ROBO1: variants seen among roughly 807,000 people sequenced by gnomAD.
The protein encoded by ROBO1 is roundabout guidance receptor 1.
In ROBO1, 149 loss-of-function variants were observed where a neutral mutation model predicts 195.9. The observed-to-expected ratio is 0.76, with a 90% CI of 0.67 to 0.87. The LOEUF (loss-of-function observed/expected upper bound fraction) is 0.87. ROBO1 is among the 40% of genes least tolerant of loss of function. ROBO1 has a pLI of 0.00. For missense variants in ROBO1, 1,933 were observed against 2,068.3 expected (o/e 0.93, Z 1.27); for synonymous variants, 816 against 733.2 (o/e 1.11, Z -1.82).
chr3:79,192,083 A>T (rs2108757344), intron 2 of ROBO1, among the ~76,000 whole-genome samples: 1 of 151,754 alleles, frequency 6.6e-6, no homozygotes, highest in African/African-American at 2.4e-5. Flanking sequence ...ATAGATTGGT[A>T]GTACATTATT....
intron 1 of ROBO1, among the ~76,000 whole-genome samples, chr3:79,719,938 T>C (rs1459995851): frequency 6.6e-6 from 1 of 152,200 alleles, no homozygotes; most frequent in Non-Finnish European, 1.5e-5. Context: ...ATAGATCCTT[T>C]TGGTAGTTGG....
chr3:78,672,315 C>A (rs1400649924), intron 10 of ROBO1, among the ~76,000 whole-genome samples: 2 of 152,070 alleles, frequency 1.3e-5, no homozygotes, highest in African/African-American at 4.8e-5. Flanking sequence ...CACTGGGGCT[C>A]ACGCCTGTAA....
intron 3 of ROBO1, among the ~76,000 whole-genome samples, chr3:78,978,661 G>A (rs921169726): frequency 6.6e-6 from 1 of 152,116 alleles, no homozygotes; most frequent in Non-Finnish European, 1.5e-5. Flanking sequence ...AGTTCTGCTG[G>A]TGCAGAGCCT....
chr3:78,795,127 T>A (rs1034844728), intron 4 of ROBO1, among the ~76,000 whole-genome samples: 5 of 152,162 alleles, frequency 3.3e-5, no homozygotes, highest in African/African-American at 1.2e-4. Flanking sequence ...AAAGATAGCA[T>A]TCCCTTCCAA....
chr3:79,024,997 TTAAG>T (rs370236524), intron 3 of ROBO1, among the ~76,000 whole-genome samples: 89 of 152,266 alleles, frequency 5.8e-4, no homozygotes, highest in African/African-American at 2.1e-3. Flanking sequence ...CTGTCTTACT[TTAAG>T]TGAGATCCCA....
chr3:78,902,134 T>C (rs1028305479), intron 4 of ROBO1, among the ~76,000 whole-genome samples: 8 of 152,130 alleles, frequency 5.3e-5, no homozygotes, highest in Non-Finnish European at 7.4e-5. Context: ...TTAAAGCTAT[T>C]GTAGGGGTAA....
chr3:79,007,436 C>T (rs1044299289), intron 3 of ROBO1, among the ~76,000 whole-genome samples: 2 of 152,016 alleles, frequency 1.3e-5, no homozygotes, highest in South Asian at 2.1e-4. Context: ...TTCCAGGTAC[C>T]GCCCAAGGGA....
intron 2 of ROBO1, among the ~76,000 whole-genome samples, chr3:79,537,179 G>A (rs577246460): frequency 2.0e-5 from 3 of 151,164 alleles, no homozygotes; most frequent in Non-Finnish European, 4.4e-5. Flanking sequence ...AAGTGATTTT[G>A]GAAAATGACA....
intron 1 of ROBO1, among the ~76,000 whole-genome samples, chr3:79,658,690 G>A: frequency 6.6e-6 from 1 of 151,828 alleles, no homozygotes; most frequent in South Asian, 2.1e-4. Context: ...TGGGATAAAT[G>A]GGGTATCCAT....
At chr3:79,174,853 CT>C (rs2081238446) in intron 2 of ROBO1, among the ~76,000 whole-genome samples, 1 of 135,964 alleles carries the variant, frequency 7.4e-6, no homozygotes, top group Admixed American at 7.5e-5. Flanking sequence ...AAGACTCCGC[CT>C]CAAAAAAAAA....
chr3:79,331,709 C>T (rs2034445041), intron 2 of ROBO1, among the ~76,000 whole-genome samples: 1 of 152,006 alleles, frequency 6.6e-6, no homozygotes, highest in Admixed American at 6.6e-5. Context: ...CCTAGGAAAT[C>T]CCCCGTTCAT....
intron 5 of ROBO1, among the ~76,000 whole-genome samples, chr3:78,721,044 A>G (rs180733427): frequency 0.015 from 2,265 of 152,140 alleles, 18 homozygotes; most frequent in Middle Eastern, 0.034. Flanking sequence ...ACATGTATAC[A>G]TATGTAACAA....
At position 79,333,205 on chromosome 3, in the gene ROBO1, TAAAAAA is replaced by T. The variant is rs72117935; in HGVS notation, c.89-207672_89-207667del. Among the ~76,000 whole-genome samples, 105 of 130,338 alleles carry T rather than the reference TAAAAAA, an allele frequency of 8.1e-4. No individual in the cohort carries two copies. In the Middle Eastern group the frequency reaches 0.012, roughly 15 times the overall value. The allele number at this position is 130,338 out of a possible 152,430, so 85.5% of individuals were successfully genotyped here. On this transcript the variant is annotated intron_variant, in intron 2 of 30. Transcript: ENST00000464233. ...TTGGGTGACAGAGTGAGACTCTGTC[TAAAAAA>T]AAAAAAAAACAGAAAAGAAAAAAAT...
chr3:79,151,556 A>G (rs138096448), intron 2 of ROBO1, among the ~76,000 whole-genome samples: 23 of 151,938 alleles, frequency 1.5e-4, no homozygotes, highest in Non-Finnish European at 3.1e-4. Flanking sequence ...CCTTCAGAGA[A>G]CAACCAGAGT....
chr3:79,454,758 C>T (rs1266094223), intron 2 of ROBO1, among the ~76,000 whole-genome samples: 2 of 152,026 alleles, frequency 1.3e-5, no homozygotes, highest in South Asian at 4.1e-4. Context: ...ATCCATGCAT[C>T]TCATCTTTAC....
chr3:78,606,665 A>C, intron 29 of ROBO1, 68 bp downstream of exon 29: 5 of 1,496,142 alleles, frequency 3.3e-6, no homozygotes, highest in East Asian at 2.3e-5. Context: ...ATGGCCATAT[A>C]GAGCCTAACT....
chr3:79,361,001 A>T (rs1254396765), intron 2 of ROBO1, among the ~76,000 whole-genome samples: 1 of 152,088 alleles, frequency 6.6e-6, no homozygotes, highest in Non-Finnish European at 1.5e-5. Flanking sequence ...ACATTTGTAC[A>T]GTTAATTCTG....
At chr3:79,511,687 T>C (rs2107543362) in intron 2 of ROBO1, among the ~76,000 whole-genome samples, 1 of 152,222 alleles carries the variant, frequency 6.6e-6, no homozygotes, top group Middle Eastern at 3.4e-3. Flanking sequence ...CCATCAATGA[T>C]AGACTAAGTA....
chr3:79,183,102 C>T (rs1171906266), intron 2 of ROBO1, among the ~76,000 whole-genome samples: 1 of 136,582 alleles, frequency 7.3e-6, no homozygotes, highest in Non-Finnish European at 1.6e-5. Flanking sequence ...AAAAAAGATA[C>T]ATAGAGAGAA....
Sources: gnomAD v4.1 joint callset for allele counts (sites outside exome capture counted in the v4.1 genomes callset) on GRCh38, gnomAD v4.1.1 for gene constraint, MANE v1.5 for transcripts, NCBI Gene and HGNC (gene_info 2026-07-23, HGNC 2026-07-21) for gene names.